BAZ1B: variants seen among roughly 807,000 people sequenced by gnomAD.
BAZ1B encodes the protein bromodomain adjacent to zinc finger domain 1B.
A neutral mutation model predicts 153.8 loss-of-function variants in BAZ1B; 22 were observed. The observed-to-expected ratio is 0.14, with a 90% CI of 0.10 to 0.20. BAZ1B has a LOEUF of 0.20. BAZ1B is among the 10% of genes least tolerant of loss of function. The pLI is 1.00. For synonymous variants in BAZ1B, 676 were observed against 633.4 expected (o/e 1.07, Z -1.01); for missense variants, 1,325 against 1,799.3 (o/e 0.74, Z 4.77).
intron 2 of BAZ1B, 60 bp from the exon 3 acceptor site, chr7:73,508,531 C>G: frequency 6.7e-7 from 1 of 1,488,182 alleles, no homozygotes; most frequent in South Asian, 1.3e-5. Context: ...AGATTTAATT[C>G]AAGTCAATTC....
chr7:73,498,905 AT>A (rs1401051927), intron 3 of BAZ1B, among the ~76,000 whole-genome samples: 6 of 152,236 alleles, frequency 3.9e-5, no homozygotes, highest in African/African-American at 1.4e-4. Flanking sequence ...GAAATAAATG[AT>A]CACAATCTAG....
intron 12 of BAZ1B, among the ~76,000 whole-genome samples, chr7:73,462,199 T>C (rs558846299): frequency 1.3e-4 from 20 of 152,130 alleles, no homozygotes; most frequent in African/African-American, 4.8e-4. Flanking sequence ...ACTGTGCCAC[T>C]GTACTTCAGC....
At chr7:73,521,775 C>A in intron 1 of BAZ1B, 52 bp downstream of exon 1, 2 of 1,442,548 alleles carry the variant, frequency 1.4e-6, no homozygotes, top group Non-Finnish European at 9.3e-7. Context: ...GCCCCAGGCC[C>A]TACCCCGGCC....
At position 73,478,526 on chromosome 7, in the gene BAZ1B, G is replaced by A. The variant is rs1554573230; in HGVS notation, c.935C>T (p.Ser312Phe). The change falls in exon 7 of 20, where the codon TCC becomes TTC. Residue 312 changes from serine (S) to phenylalanine (F), a missense_variant. By Grantham distance (155) the Ser-to-Phe change is radical (BLOSUM62 -2). Transcript: ENST00000339594. ...TTTCTTTGAGGGCTTCCTGTCTGGGGATCCAGTATTCTTCCTCTTAGTAGA... is the reference window on the plus strand; with the variant it reads ...TTTCTTTGAGGGCTTCCTGTCTGGGAATCCAGTATTCTTCCTCTTAGTAGA... Reference protein sequence around the residue: ...NPSTKRKNTGSPDRKPSKKSK... With the variant: ...NPSTKRKNTGFPDRKPSKKSK... 1 of 1,573,616 alleles carries A rather than the reference G, an allele frequency of 6.4e-7. No individual in the cohort carries two copies. Among genetic ancestry groups the A allele is most frequent in the Non-Finnish European group, 8.6e-7 (1 of 1,162,820 alleles).
chr7:73,507,012 G>C (rs1408359143), intron 3 of BAZ1B, among the ~76,000 whole-genome samples: 1 of 148,142 alleles, frequency 6.8e-6, no homozygotes, highest in Non-Finnish European at 1.5e-5. Flanking sequence ...CCGAGTAGCT[G>C]GGACTACAGG....
chr7:73,469,788 T>C (rs755812518), intron 8 of BAZ1B, 138 bp from the exon 9 acceptor site: 105 of 968,724 alleles, frequency 1.1e-4, no homozygotes, highest in Middle Eastern at 3.3e-4. Flanking sequence ...TTCAGAACTC[T>C]AGACAGATAA....
intron 3 of BAZ1B, among the ~76,000 whole-genome samples, chr7:73,505,660 C>T (rs2116438463): frequency 6.6e-6 from 1 of 152,236 alleles, no homozygotes; most frequent in South Asian, 2.1e-4. Context: ...AAGCAATTCT[C>T]CCACTTCGGC....
intron 6 of BAZ1B, among the ~76,000 whole-genome samples, chr7:73,481,963 C>T (rs1048314471): frequency 6.6e-5 from 10 of 151,584 alleles, no homozygotes; most frequent in African/African-American, 2.4e-4. Context: ...GGCGTGAACC[C>T]GGGAGGCGGA....
intron 9 of BAZ1B, among the ~76,000 whole-genome samples, chr7:73,468,661 GTC>G (rs1788683715): frequency 6.6e-6 from 1 of 151,964 alleles, no homozygotes; most frequent in Non-Finnish European, 1.5e-5. Flanking sequence ...TATTACCAGT[GTC>G]CCTACATGAT....
At chr7:73,503,873 G>A (rs782008000) in intron 3 of BAZ1B, among the ~76,000 whole-genome samples, 3 of 152,074 alleles carry the variant, frequency 2.0e-5, no homozygotes, top group Non-Finnish European at 4.4e-5. Context: ...CAGAAAACCA[G>A]GAGATGGAAG....
rs373415781 is a variant in BAZ1B at position 73,465,420 on chromosome 7, T to A, written c.3071+19A>T. 4.1e-5 allele frequency: 61 copies of A among 1,489,196 alleles called. No homozygotes were observed. The highest frequency in any genetic ancestry group is 5.5e-5 in the Non-Finnish European group (60 of 1,088,096). 92.2% of individuals were successfully genotyped at this position (1,489,196 alleles called of 1,614,324 possible). On this transcript the variant is annotated intron_variant, in intron 11 of 19. Transcript: ENST00000339594. ...CTAAAGAGAAGTAAGATGTGAGGAGTAAGATGAAAACCTCTTACCTCTTCT... is the reference window on the plus strand; with the variant it reads ...CTAAAGAGAAGTAAGATGTGAGGAGAAAGATGAAAACCTCTTACCTCTTCT...
At chr7:73,446,125 T>G (rs1787827509) in intron 16 of BAZ1B, among the ~76,000 whole-genome samples, 1 of 152,216 alleles carries the variant, frequency 6.6e-6, no homozygotes, top group Non-Finnish European at 1.5e-5. Flanking sequence ...TCATTAGGTT[T>G]TGGCAGTCTC....
At chr7:73,457,483 T>C (rs2116265615) in intron 13 of BAZ1B, among the ~76,000 whole-genome samples, 1 of 152,296 alleles carries the variant, frequency 6.6e-6, no homozygotes, top group South Asian at 2.1e-4. Context: ...CGGCCGGGAC[T>C]CATTTGTACA....
At chr7:73,484,707 C>T (rs1280837482) in intron 6 of BAZ1B, among the ~76,000 whole-genome samples, 1 of 152,162 alleles carries the variant, frequency 6.6e-6, no homozygotes, top group Admixed American at 6.5e-5. Context: ...TCACTGCCTT[C>T]TTAAATGATG....
chr7:73,453,457 A>G (rs1554568901), intron 13 of BAZ1B, among the ~76,000 whole-genome samples: 1 of 152,246 alleles, frequency 6.6e-6, no homozygotes, highest in Non-Finnish European at 1.5e-5. Flanking sequence ...TGAGTTCTCA[A>G]TGAGAAGGAA....
intron 2 of BAZ1B, among the ~76,000 whole-genome samples, chr7:73,510,048 AC>A (rs1427770089): frequency 1.3e-5 from 2 of 151,256 alleles, no homozygotes; most frequent in African/African-American, 4.9e-5. Flanking sequence ...AATCACTTGA[AC>A]CCAGGAGATA....
rs1306669871 is a variant in BAZ1B at position 73,459,814 on chromosome 7, CA to C, written c.3250-97del. 7.4e-6 allele frequency: 8 copies of C among 1,088,136 alleles called. No homozygotes were observed. In the African/African-American group the frequency reaches 1.1e-4, roughly 15 times the overall value. 67.4% of individuals were successfully genotyped at this position (1,088,136 alleles called of 1,614,324 possible). On this transcript the variant is annotated intron_variant, in intron 12 of 19. Coordinates refer to ENST00000339594, the MANE Select transcript of BAZ1B (RefSeq NM_032408.4). ...TTCAAATAAATCTAGACTCAAATGC[CA>C]CATAACATTCATTAAACAAAATCGA...
Position 73,478,384 on chromosome 7 carries a change from G to A in BAZ1B, c.1077C>T (p.Ser359=). The stretch of plus-strand genomic sequence containing the variant: ...CTTCTAGATGTTCTTCAGGAGATTT[G>A]GAATTCTTTGAGTTCTTCACTTTGA... ...SPLKVKNSKN[S]KSPEEHLEEM... is the part of the protein sequence containing the mutation. The change falls in exon 7 of 20, where the codon TCC becomes TCT. Residue 359 remains serine (S), a synonymous_variant. Transcript: ENST00000339594. The A allele has an allele frequency of 6.2e-7, 1 of 1,612,290 alleles. No individual in the cohort carries two copies. Among genetic ancestry groups the A allele is most frequent in the African/African-American group, 1.3e-5 (1 of 74,804 alleles).
At chr7:73,446,078 GA>G (rs1322359131) in intron 16 of BAZ1B, among the ~76,000 whole-genome samples, 4 of 152,284 alleles carry the variant, frequency 2.6e-5, no homozygotes, top group South Asian at 2.1e-4. Flanking sequence ...GTATGGGGGG[GA>G]AAGTGGGAGG....
Sources: gnomAD v4.1 joint callset for allele counts (sites outside exome capture counted in the v4.1 genomes callset) on GRCh38, gnomAD v4.1.1 for gene constraint, MANE v1.5 for transcripts, NCBI Gene and HGNC (gene_info 2026-07-23, HGNC 2026-07-21) for gene names.